KCNT2: variants seen among roughly 807,000 people sequenced by gnomAD.
The protein encoded by KCNT2 is potassium sodium-activated channel subfamily T member 2, also known as potassium channel subfamily T member 2.
Under a neutral mutation model 153.8 loss-of-function variants are expected in KCNT2, and 67 were observed. The observed-to-expected ratio is 0.44, with a 90% CI of 0.36 to 0.53. The LOEUF (loss-of-function observed/expected upper bound fraction) is 0.53. KCNT2 is among the 20% of genes least tolerant of loss of function. The probability of loss-of-function intolerance (pLI) is 0.00; values close to 1 mark genes in which losing one functional copy is unlikely to be tolerated. For synonymous variants in KCNT2, 500 were observed against 458.8 expected (o/e 1.09, Z -1.15); for missense variants, 975 against 1,354.8 (o/e 0.72, Z 4.40).
rs562850328 is a variant in KCNT2, at chr1:196,326,193, A to G, written c.2276+524T>C. On this transcript the variant is annotated intron_variant, in intron 19 of 27. Transcript: ENST00000294725. ...TTTAACAAAAGTAAACCAATCCAAT[A>G]TTTTCCAAATAAATGCACAAGGTAA... Among the ~76,000 whole-genome samples the G allele has an allele frequency of 9.9e-5, 15 of 152,216 alleles. No individual in the cohort carries two copies. In the East Asian group the frequency reaches 2.7e-3, roughly 27 times the overall value.
At chr1:196,441,410 ATAT>A (rs1675212768) in intron 8 of KCNT2, among the ~76,000 whole-genome samples, 1 of 120,864 alleles carries the variant, frequency 8.3e-6, no homozygotes, top group Non-Finnish European at 1.7e-5. Context: ...CTTAATTTAT[ATAT>A]TTTAAAATCT....
At chr1:196,488,554 A>G (rs1572620202) in intron 3 of KCNT2, among the ~76,000 whole-genome samples, 3 of 151,992 alleles carry the variant, frequency 2.0e-5, no homozygotes, top group Non-Finnish European at 2.9e-5. Context: ...GAAGGATTCC[A>G]TCATGCTTCA....
intron 21 of KCNT2, 118 bp from the exon 22 acceptor site, chr1:196,305,463 C>T (rs760708581): frequency 1.5e-5 from 9 of 598,466 alleles, no homozygotes; most frequent in Non-Finnish European, 2.7e-5. Context: ...CCAATTACAA[C>T]AGCAGGCAGT....
At chr1:196,246,689 A>T (rs2102280279) in intron 26 of KCNT2, among the ~76,000 whole-genome samples, 1 of 152,278 alleles carries the variant, frequency 6.6e-6, no homozygotes, top group Non-Finnish European at 1.5e-5. Context: ...TTATGCAATC[A>T]GTGTTATGTT....
chr1:196,244,083 A>G (rs1299395198), intron 26 of KCNT2, among the ~76,000 whole-genome samples: 1 of 152,012 alleles, frequency 6.6e-6, no homozygotes, highest in Non-Finnish European at 1.5e-5. Context: ...TTCTAGACAT[A>G]CCCTCGGCCA....
At position 196,227,606 on chromosome 1, in the gene KCNT2, T is replaced by C. The variant is rs186978060; in HGVS notation, c.*618A>G. ...TTATGTTTTAGTTTCTTCAATGTAA[T>C]AAAACATGCTATGAACATCTCAAAT... On this transcript the variant is annotated 3_prime_UTR_variant, in exon 28 of 28. Coordinates refer to ENST00000294725, the MANE Select transcript of KCNT2 (RefSeq NM_198503.5). The C allele has an allele frequency of 6.6e-6, 1 of 152,570 alleles. No individual in the cohort carries two copies. Among genetic ancestry groups the C allele is most frequent in the African/African-American group, 2.4e-5 (1 of 41,564 alleles). The allele number at this position is 152,570 out of a possible 1,614,324, so 9.5% of individuals were successfully genotyped here. A position where few individuals can be genotyped will look rare whatever the true frequency, so the allele number is the denominator to read the frequency against.
At chr1:196,476,515 A>G (rs1678543258) in intron 5 of KCNT2, among the ~76,000 whole-genome samples, 1 of 152,026 alleles carries the variant, frequency 6.6e-6, no homozygotes, top group Admixed American at 6.5e-5. Context: ...CTTCATCTAT[A>G]TTGCTTATTA....
chr1:196,253,590 A>C (rs1297628304), intron 26 of KCNT2, among the ~76,000 whole-genome samples: 2 of 151,512 alleles, frequency 1.3e-5, no homozygotes, highest in African/African-American at 4.8e-5. Flanking sequence ...TAAAGGAGTT[A>C]ATTCATCTAT....
Position 196,227,376 on chromosome 1 carries a change from T to C in KCNT2, c.*848A>G, listed in dbSNP as rs1479206880. 6.6e-6 allele frequency: 1 copy of C among 152,076 alleles called. No homozygotes were observed. Among genetic ancestry groups the C allele is most frequent in the Non-Finnish European group, 1.5e-5 (1 of 67,926 alleles). The allele number at this position is 152,076 out of a possible 1,614,324, so 9.4% of individuals were successfully genotyped here. On this transcript the variant is annotated 3_prime_UTR_variant, in exon 28 of 28. Transcript: ENST00000294725. ...AGTTCAAGAGTCTAAGGACAATCAT[T>C]ACTGTATATTTCAAGATATCCAGTT...
intron 1 of KCNT2, among the ~76,000 whole-genome samples, chr1:196,575,677 C>G (rs1422746464): frequency 6.6e-6 from 1 of 150,578 alleles, no homozygotes. Flanking sequence ...TTAGCTCGAA[C>G]TGTCTTCTCA....
At chr1:196,500,296 G>T (rs867279191) in intron 1 of KCNT2, among the ~76,000 whole-genome samples, 1 of 123,768 alleles carries the variant, frequency 8.1e-6, no homozygotes, top group African/African-American at 3.1e-5. Context: ...GAGGGAGGGA[G>T]GGAGGGAGGG....
intron 1 of KCNT2, among the ~76,000 whole-genome samples, chr1:196,604,660 T>A (rs1328860354): frequency 6.6e-6 from 1 of 152,012 alleles, no homozygotes; most frequent in Non-Finnish European, 1.5e-5. Flanking sequence ...AGAGAAGCAA[T>A]TATCTAAGGA....
intron 21 of KCNT2, among the ~76,000 whole-genome samples, chr1:196,307,784 T>C (rs989449333): frequency 6.6e-6 from 1 of 152,032 alleles, no homozygotes; most frequent in Non-Finnish European, 1.5e-5. Flanking sequence ...AGTTATTTTC[T>C]CAAAAACTCT....
rs1314497560 is a variant in KCNT2 at position 196,264,447 on chromosome 1, C to T, written c.2911-5953G>A. Among the ~76,000 whole-genome samples, 4 of 152,020 alleles carry T rather than the reference C, an allele frequency of 2.6e-5. No homozygotes were observed. The East Asian group carries it at 5.8e-4, about 22-fold the overall frequency. ...TCTCCATCAGCTCAAGATATGGAGA[C>T]ATTCATTTACCATATCTCATCATAA... On this transcript the variant is annotated intron_variant, in intron 25 of 27. Coordinates refer to ENST00000294725, the MANE Select transcript of KCNT2 (RefSeq NM_198503.5).
intron 1 of KCNT2, among the ~76,000 whole-genome samples, chr1:196,495,110 T>C (rs1396840591): frequency 6.6e-6 from 1 of 152,182 alleles, no homozygotes; most frequent in Non-Finnish European, 1.5e-5. Flanking sequence ...TCTGAGTCAA[T>C]ATAATCATTG....
chr1:196,281,758 A>T (rs1659121372), intron 24 of KCNT2, among the ~76,000 whole-genome samples: 2 of 151,028 alleles, frequency 1.3e-5, no homozygotes, highest in African/African-American at 4.9e-5. Context: ...AATTCATTCA[A>T]CATTTTTTTT....
chr1:196,268,102 G>A (rs1008564563), intron 25 of KCNT2, among the ~76,000 whole-genome samples: 2 of 152,128 alleles, frequency 1.3e-5, no homozygotes, highest in Non-Finnish European at 2.9e-5. Context: ...TTGAGCACTA[G>A]ACACCCTGGA....
intron 8 of KCNT2, among the ~76,000 whole-genome samples, chr1:196,432,554 C>A (rs970973439): frequency 1.3e-5 from 2 of 152,130 alleles, no homozygotes; most frequent in African/African-American, 4.8e-5. Context: ...TATTCTCAAA[C>A]CTCAGGATTT....
intron 12 of KCNT2, among the ~76,000 whole-genome samples, chr1:196,416,047 T>C (rs539773656): frequency 2.0e-5 from 3 of 152,014 alleles, no homozygotes; most frequent in Non-Finnish European, 4.4e-5. Context: ...CTAAGTAGCA[T>C]AAAATCTCAC....
Sources: gnomAD v4.1 joint callset for allele counts (sites outside exome capture counted in the v4.1 genomes callset) on GRCh38, gnomAD v4.1.1 for gene constraint, MANE v1.5 for transcripts, NCBI Gene and HGNC (gene_info 2026-07-23, HGNC 2026-07-21) for gene names.